Variants in CNTN6 observed in about 807,000 individuals in gnomAD.
CNTN6 encodes the protein contactin-6.
In CNTN6, 137 loss-of-function variants were observed where a neutral mutation model predicts 122.8. The ratio of observed to expected loss-of-function variants is 1.12; its 90% CI spans 0.97 to 1.29. The LOEUF is 1.29. Among genes scored for constraint, CNTN6 ranks in the 50% most tolerant of loss-of-function variants. The pLI is 0.00. For missense variants in CNTN6, 1,634 were observed against 1,223.4 expected (o/e 1.34, Z -5.01); for synonymous variants, 570 against 426.0 (o/e 1.34, Z -4.16).
intron 16 of CNTN6, among the ~76,000 whole-genome samples, chr3:1,375,522 C>T (rs895415866): frequency 5.9e-5 from 9 of 151,998 alleles, no homozygotes; most frequent in African/African-American, 2.2e-4. Flanking sequence ...TTTCTCAGAA[C>T]ATTGGAAACT....
intron 4 of CNTN6, among the ~76,000 whole-genome samples, chr3:1,245,322 ATAT>A (rs1559598258): frequency 0.035 from 1,892 of 53,576 alleles, 386 homozygotes; most frequent in Middle Eastern, 0.086. Context: ...ATATATATAT[ATAT>A]ATATATATAT....
chr3:1,349,219 C>T (rs1449000240), intron 11 of CNTN6, among the ~76,000 whole-genome samples: 1 of 151,870 alleles, frequency 6.6e-6, no homozygotes, highest in Non-Finnish European at 1.5e-5. Context: ...TAACTTCAAC[C>T]TTAAATCCTC....
rs1245373503 is a variant in CNTN6, at chr3:1,158,831, TACACACACA to T, written c.55+10769_55+10777del. Among the ~76,000 whole-genome samples, 13 of 123,536 alleles carry T rather than the reference TACACACACA, an allele frequency of 1.1e-4. 1 individual carries two copies. Among genetic ancestry groups the T allele is most frequent in the South Asian group, 6.9e-4 (3 of 4,336 alleles). 81.0% of individuals were successfully genotyped at this position (123,536 alleles called of 152,430 possible). On this transcript the variant is annotated intron_variant, in intron 2 of 22. Coordinates refer to ENST00000446702, the MANE Select transcript of CNTN6 (RefSeq NM_001289080.2). ...ACATATATATACACACACATATATATACACACACATATATATACATACATATATATACAC... is the reference window on the plus strand; with the variant it reads ...ACATATATATACACACACATATATATTATATATACATACATATATATACAC...
At chr3:1,158,823 CATATATATACACACACATAT>C (rs1248571465) in intron 2 of CNTN6, among the ~76,000 whole-genome samples, 1 of 27,104 alleles carries the variant, frequency 3.7e-5, no homozygotes, top group African/African-American at 1.2e-4. Context: ...TATACACACA[CATATATATACACACACATAT>C]ATATACATAC....
intron 1 of CNTN6, among the ~76,000 whole-genome samples, chr3:1,116,353 CAA>C (rs2091718343): frequency 6.6e-6 from 1 of 152,112 alleles, no homozygotes; most frequent in South Asian, 2.1e-4. Flanking sequence ...AAAATTGTAT[CAA>C]GACGATTTTA....
intron 5 of CNTN6, among the ~76,000 whole-genome samples, chr3:1,286,303 C>A (rs551088026): frequency 3.3e-5 from 5 of 152,232 alleles, no homozygotes; most frequent in Admixed American, 1.3e-4. Flanking sequence ...ACCCATCAAC[C>A]GGCCATCTAC....
intron 8 of CNTN6, among the ~76,000 whole-genome samples, chr3:1,322,417 C>G (rs1700982688): frequency 6.6e-6 from 1 of 151,406 alleles, no homozygotes; most frequent in Admixed American, 6.6e-5. Context: ...TTCTTTAATC[C>G]AGGATTGAAA....
chr3:1,381,466 G>A (rs1055909904), intron 17 of CNTN6, among the ~76,000 whole-genome samples: 2 of 152,058 alleles, frequency 1.3e-5, no homozygotes, highest in Non-Finnish European at 2.9e-5. Flanking sequence ...AAGCTACATG[G>A]GAAGTAATGA....
intron 5 of CNTN6, among the ~76,000 whole-genome samples, chr3:1,294,668 T>G (rs1201132736): frequency 2.6e-5 from 4 of 152,210 alleles, no homozygotes; most frequent in African/African-American, 9.6e-5. Context: ...TTTATGCTCT[T>G]GATAGTTACT....
At chr3:1,349,353 C>A (rs1470227463) in intron 11 of CNTN6, among the ~76,000 whole-genome samples, 1 of 151,394 alleles carries the variant, frequency 6.6e-6, no homozygotes, top group Non-Finnish European at 1.5e-5. Flanking sequence ...ATTTTTCCTG[C>A]TTTTTACAGA....
chr3:1,112,738 A>G (rs2091538516), intron 1 of CNTN6, among the ~76,000 whole-genome samples: 2 of 152,136 alleles, frequency 1.3e-5, no homozygotes, highest in Non-Finnish European at 2.9e-5. Flanking sequence ...ATCCGATCAG[A>G]TTGATCCCTA....
chr3:1,319,196 C>T (rs1235988407), intron 7 of CNTN6, among the ~76,000 whole-genome samples: 1 of 151,438 alleles, frequency 6.6e-6, no homozygotes, highest in Admixed American at 6.6e-5. Flanking sequence ...CAAAAGTAAT[C>T]CTACTTTTGC....
chr3:1,374,156 T>G (rs1354770594), intron 16 of CNTN6, 83 bp downstream of exon 16: 2 of 1,381,540 alleles, frequency 1.4e-6, no homozygotes, highest in Non-Finnish European at 1.9e-6. Flanking sequence ...TTATGTGTCT[T>G]CTAATACTTT....
intron 3 of CNTN6, among the ~76,000 whole-genome samples, chr3:1,227,146 T>G (rs937859127): frequency 1.3e-5 from 2 of 152,234 alleles, no homozygotes; most frequent in Non-Finnish European, 2.9e-5. Flanking sequence ...AGTTAATTCA[T>G]GTACTAAAGA....
At chr3:1,323,529 A>G (rs1321799552) in intron 8 of CNTN6, among the ~76,000 whole-genome samples, 1 of 151,810 alleles carries the variant, frequency 6.6e-6, no homozygotes, top group Admixed American at 6.6e-5. Flanking sequence ...TTACTGACTC[A>G]GTTACCTCAG....
chr3:1,325,841 C>G lies in CNTN6; in HGVS notation c.973C>G (p.Gln325Glu). The G allele has an allele frequency of 1.9e-6, 3 of 1,610,642 alleles. No individual in the cohort carries two copies. Among genetic ancestry groups the G allele is most frequent in the Admixed American group, 1.7e-5 (1 of 59,600 alleles). ...YAPPEWEQKI[Q>E]NTHLSIYDNL... ...TCCTCCAGAATGGGAACAGAAAATCCAAAATACACACCTCTCTATCTATGA... is the reference window on the plus strand; with the variant it reads ...TCCTCCAGAATGGGAACAGAAAATCGAAAATACACACCTCTCTATCTATGA... The change falls in exon 9 of 23, where the codon CAA becomes GAA. Residue 325 changes from glutamine (Q) to glutamate (E), a missense_variant. Gln to Glu is a conservative substitution (Grantham distance 29). Transcript: ENST00000446702.
chr3:1,388,516 C>A (rs1420726997), intron 20 of CNTN6, among the ~76,000 whole-genome samples: 14 of 151,542 alleles, frequency 9.2e-5, no homozygotes, highest in African/African-American at 3.2e-4. Context: ...CTCTCCTCCT[C>A]CAAGGGAACG....
intron 11 of CNTN6, among the ~76,000 whole-genome samples, chr3:1,348,475 A>G (rs749377405): frequency 5.9e-5 from 9 of 152,076 alleles, no homozygotes; most frequent in Non-Finnish European, 1.2e-4. Context: ...GAAAATGCAC[A>G]TACATGTACA....
At chr3:1,096,773 C>T (rs1160936726) in intron 1 of CNTN6, among the ~76,000 whole-genome samples, 2 of 152,214 alleles carry the variant, frequency 1.3e-5, no homozygotes, top group South Asian at 2.1e-4. Flanking sequence ...TCTCTGATGT[C>T]CCCCAAAGGT....
Sources: gnomAD v4.1 joint callset for allele counts (sites outside exome capture counted in the v4.1 genomes callset) on GRCh38, gnomAD v4.1.1 for gene constraint, MANE v1.5 for transcripts, NCBI Gene and HGNC (gene_info 2026-07-23, HGNC 2026-07-21) for gene names.